The following SLC18B1 variants were observed in gnomAD, a reference collection of about 807,000 sequenced individuals.
The protein encoded by SLC18B1 is MFS-type transporter SLC18B1.
In SLC18B1, 62 loss-of-function variants were observed where a neutral mutation model predicts 53.9. That is an observed-to-expected ratio of 1.15 (90% confidence interval 0.94 to 1.42). The LOEUF (loss-of-function observed/expected upper bound fraction) is 1.42. Ranked by LOEUF, SLC18B1 falls within the 40% of genes most tolerant of loss-of-function variation. SLC18B1 has a pLI of 0.00. For missense variants in SLC18B1, 598 were observed against 547.3 expected, an observed-to-expected ratio of 1.09 and a Z score of -0.93; for synonymous variants, 217 against 200.9, an observed-to-expected ratio of 1.08 and a Z score of -0.68.
Position 132,776,412 on chromosome 6 carries a change from T to C in SLC18B1, c.813A>G (p.Gly271=), listed in dbSNP as rs935859078. 3 of 1,613,040 alleles carry C rather than the reference T, an allele frequency of 1.9e-6. No individual in the cohort carries two copies. The African/African-American group carries it at 4.0e-5, about 22-fold the overall frequency. The change falls in exon 8 of 14, where the codon GGA becomes GGG. Residue 271 remains glycine, a synonymous_variant. Coordinates refer to ENST00000275227, the MANE Select transcript of SLC18B1 (RefSeq NM_052831.3). ...TACCCAGGAATACTAGTCCCACATA[T>C]CCAGCTGGTAAATTGAACTGTAAAA... ...FVLEKFNLPA[G]YVGLVFLGMA... is the part of the protein sequence containing the mutation.
chr6:132,791,862 C>G (rs985699084), intron 2 of SLC18B1, among the ~76,000 whole-genome samples: 1 of 152,092 alleles, frequency 6.6e-6, no homozygotes, highest in Non-Finnish European at 1.5e-5. Flanking sequence ...AACATGAGGT[C>G]TACATTTCTA....
chr6:132,770,273 G>T lies in SLC18B1; in HGVS notation c.1368C>A (p.Thr456=). ...TATCAATCCAGGATCCATCGGACTAGGTTTCATTAGGCAAGAGAGTAGTTC... is the reference window on the plus strand; with the variant it reads ...TATCAATCCAGGATCCATCGGACTATGTTTCATTAGGCAAGAGAGTAGTTC... ...EERTTLLPNE[T] is the part of the protein sequence containing the mutation. Residue 456 remains threonine (T), a synonymous_variant, in exon 14 of 14, where the codon ACC becomes ACA. Transcript: ENST00000275227. 1 of 1,612,390 alleles carries T rather than the reference G, an allele frequency of 6.2e-7. No individual in the cohort carries two copies. The highest frequency in any genetic ancestry group is 8.5e-7 in the Non-Finnish European group (1 of 1,178,438).
intron 4 of SLC18B1, 61 bp downstream of exon 4, chr6:132,789,703 A>T: frequency 8.7e-7 from 1 of 1,151,866 alleles, no homozygotes; most frequent in Non-Finnish European, 1.3e-6. Context: ...TTAACAATTT[A>T]AACAGAAGAT....
chr6:132,778,493 G>C (rs569804077), intron 7 of SLC18B1, among the ~76,000 whole-genome samples: 35 of 152,212 alleles, frequency 2.3e-4, no homozygotes, highest in Non-Finnish European at 4.4e-4. Context: ...TTCTATGATA[G>C]GTAAATGTTC....
intron 2 of SLC18B1, among the ~76,000 whole-genome samples, chr6:132,791,992 C>T (rs1368657616): frequency 1.3e-5 from 2 of 151,918 alleles, no homozygotes; most frequent in Non-Finnish European, 2.9e-5. Context: ...CTTTAGGAAG[C>T]TCAGGTGGGA....
intron 4 of SLC18B1, among the ~76,000 whole-genome samples, chr6:132,788,175 GAA>G (rs11326475): frequency 6.9e-4 from 77 of 112,140 alleles, no homozygotes; most frequent in African/African-American, 1.8e-3. Context: ...AAAAGAAAAA[GAA>G]AAAAAAAAAA....
At chr6:132,775,487 C>T (rs1442285001) in intron 8 of SLC18B1, among the ~76,000 whole-genome samples, 1 of 152,094 alleles carries the variant, frequency 6.6e-6, no homozygotes, top group Non-Finnish European at 1.5e-5. Flanking sequence ...AAGATACTTG[C>T]TTTTTGACAT....
chr6:132,776,540 A>C (rs898246310), intron 7 of SLC18B1, 111 bp from the exon 8 acceptor site: 1 of 722,254 alleles, frequency 1.4e-6, no homozygotes, highest in African/African-American at 1.8e-5. Context: ...TCTACTAATA[A>C]TATTCTGCAT....
intron 2 of SLC18B1, among the ~76,000 whole-genome samples, chr6:132,795,459 C>T (rs193246336): frequency 5.3e-5 from 8 of 152,232 alleles, no homozygotes; most frequent in Admixed American, 4.6e-4. Flanking sequence ...GAGGTTGTTG[C>T]GGGGATTAAA....
chr6:132,787,421 C>A lies in SLC18B1; in HGVS notation c.501+13G>T, dbSNP rs749935290. On this transcript the variant is annotated intron_variant, in intron 5 of 13. Coordinates refer to ENST00000275227, the MANE Select transcript of SLC18B1 (RefSeq NM_052831.3). ...ACTCAAAGGAAAGTGGGAAATACTT[C>A]TAAAATACATACCAATACCGTAGCC... 6.4e-7 allele frequency: 1 copy of A among 1,550,952 alleles called. No homozygotes were observed. The highest frequency in any genetic ancestry group is 8.7e-7 in the Non-Finnish European group (1 of 1,154,564).
intron 6 of SLC18B1, among the ~76,000 whole-genome samples, chr6:132,782,788 T>C (rs1216708998): frequency 1.3e-5 from 2 of 152,086 alleles, no homozygotes; most frequent in African/African-American, 4.8e-5. Context: ...TTTTTTTTTT[T>C]TTTTGAGATG....
intron 5 of SLC18B1, 111 bp from the exon 6 acceptor site, chr6:132,784,200 C>T: frequency 1.4e-6 from 1 of 707,418 alleles, no homozygotes. Context: ...ACACACACTC[C>T]CAAGATGGCC....
intron 6 of SLC18B1, among the ~76,000 whole-genome samples, chr6:132,780,158 G>A (rs948384994): frequency 6.6e-6 from 1 of 150,976 alleles, no homozygotes; most frequent in African/African-American, 2.4e-5. Context: ...GAGTGCAGTT[G>A]TGTTATTACA....
rs1780966672 is a variant in SLC18B1, at chr6:132,771,206, T to C, written c.1161-77A>G. 3.1e-6 allele frequency: 4 copies of C among 1,292,362 alleles called. No individual in the cohort carries two copies. The Admixed American group carries it at 7.2e-5, about 23-fold the overall frequency. 80.1% of individuals were successfully genotyped at this position (1,292,362 alleles called of 1,614,324 possible). ...ACTTCATGAAAAGCTACATGATCCT[T>C]CAATTGTAAGTCTTCATTACATTGG... On this transcript the variant is annotated intron_variant, in intron 11 of 13. Coordinates refer to ENST00000275227, the MANE Select transcript of SLC18B1 (RefSeq NM_052831.3).
intron 2 of SLC18B1, among the ~76,000 whole-genome samples, chr6:132,795,559 A>G (rs1781655128): frequency 1.3e-5 from 2 of 152,236 alleles, no homozygotes. Context: ...AAGCCACTTT[A>G]TCTTCTTTTG....
At position 132,797,141 on chromosome 6, in the gene SLC18B1, C is replaced by G; in HGVS notation, c.44-20G>C. The stretch of plus-strand genomic sequence containing the variant: ...CATCACCTTGAATGCAAACATGCAG[C>G]AATTAGGCATATAATTGAGACTACT... On this transcript the variant is annotated intron_variant, in intron 1 of 13. Transcript: ENST00000275227. The G allele has an allele frequency of 1.2e-6, 2 of 1,612,488 alleles. No individual in the cohort carries two copies. The highest frequency in any genetic ancestry group is 1.7e-5 in the Admixed American group (1 of 59,610).
At position 132,773,014 on chromosome 6, in the gene SLC18B1, G is replaced by T. The variant is rs573567211; in HGVS notation, c.1064C>A (p.Pro355Gln). 1 of 1,613,474 alleles carries T rather than the reference G, an allele frequency of 6.2e-7. No homozygotes were observed. Among genetic ancestry groups the T allele is most frequent in the Non-Finnish European group, 8.5e-7 (1 of 1,179,670 alleles). The change falls in exon 10 of 14, where the codon CCG becomes CAG. Residue 355 changes from proline to glutamine, a missense_variant. Pro to Gln is a moderately conservative substitution (Grantham distance 76). Transcript: ENST00000275227. ...TTACTGTGCACAACTGAGAATTTCC[G>T]GGAAAGTTGGAATTATACTCATTCC... Reference protein sequence around the residue: ...SAGMSIIPTFPEILSCAHENG... With the variant: ...SAGMSIIPTFQEILSCAHENG...
chr6:132,791,571 T>C (rs1781525394), intron 2 of SLC18B1, among the ~76,000 whole-genome samples: 2 of 152,160 alleles, frequency 1.3e-5, no homozygotes, highest in Admixed American at 1.3e-4. Context: ...AACTCTATTG[T>C]TCTAAGCTAA....
At position 132,771,336 on chromosome 6, in the gene SLC18B1, T is replaced by A. The variant is rs570755137; in HGVS notation, c.1161-207A>T. On this transcript the variant is annotated intron_variant, in intron 11 of 13. Transcript: ENST00000275227. ...CAAAATTTTTTAACAATTTTGAAAT[T>A]ATTACTGCTTCTGAAAAGTTGATGG... is the stretch of plus-strand genomic sequence containing the variant. Among the ~76,000 whole-genome samples the A allele has an allele frequency of 5.9e-5, 9 of 152,262 alleles. No homozygotes were observed. In the South Asian group the frequency reaches 1.9e-3, roughly 32 times the overall value.
Sources: allele counts gnomAD v4.1 joint callset (sites outside exome capture counted in the v4.1 genomes callset), GRCh38; gene constraint gnomAD v4.1.1; transcripts MANE v1.5; gene names NCBI Gene and HGNC (gene_info 2026-07-23, HGNC 2026-07-21).